CCDC102B: variants seen among roughly 807,000 people sequenced by gnomAD.
CCDC102B encodes the protein coiled-coil domain-containing protein 102B.
A neutral mutation model predicts 57.4 loss-of-function variants in CCDC102B; 75 were observed. That is an observed-to-expected ratio of 1.31 (90% CI 1.08 to 1.58). CCDC102B has a LOEUF of 1.58. Ranked by LOEUF, CCDC102B falls within the 40% of genes most tolerant of loss-of-function variation. The pLI, the probability that CCDC102B is intolerant of heterozygous loss-of-function variation, is 0.00. For synonymous variants in CCDC102B, 206 were observed against 201.9 expected, an observed-to-expected ratio of 1.02 and a Z score of -0.17; for missense variants, 636 against 582.6, an observed-to-expected ratio of 1.09 and a Z score of -0.94.
intron 6 of CCDC102B, among the ~76,000 whole-genome samples, chr18:68,958,009 C>T (rs998195511): frequency 4.6e-5 from 7 of 152,144 alleles, no homozygotes; most frequent in East Asian, 1.9e-4. Context: ...TACAGTTCCA[C>T]GTGGCTGGGG....
Position 68,994,501 on chromosome 18 carries a change from C to T in CCDC102B, c.1264-16433C>T, listed in dbSNP as rs987060180. ...GTGATCCCTATAATCCTCCCCTCTC[C>T]CTGACCCCTCCTGCCACCCCCTCCT... On this transcript the variant is annotated intron_variant, in intron 6 of 7. Transcript: ENST00000360242. Among the ~76,000 whole-genome samples the T allele has an allele frequency of 2.6e-5, 4 of 151,906 alleles. No individual in the cohort carries two copies. In the East Asian group the frequency reaches 7.7e-4, roughly 29 times the overall value.
intron 4 of CCDC102B, chr18:68,866,898 A>G: frequency 6.5e-6 from 4 of 615,682 alleles, no homozygotes; most frequent in South Asian, 4.6e-5. Flanking sequence ...CTCATGTATC[A>G]CACCTGGAGT....
At chr18:68,941,087 A>T (rs12458333) in intron 6 of CCDC102B, among the ~76,000 whole-genome samples, 81,949 of 148,006 alleles carry the variant, frequency 0.55, 25,103 homozygotes, top group Non-Finnish European at 0.67. Flanking sequence ...CTATTTATTT[A>T]TTTTTTTTGC....
At chr18:68,968,972 C>T (rs1351546894) in intron 6 of CCDC102B, among the ~76,000 whole-genome samples, 2 of 151,952 alleles carry the variant, frequency 1.3e-5, no homozygotes, top group Non-Finnish European at 2.9e-5. Flanking sequence ...TTTTTGTATA[C>T]CAATTATACC....
intron 2 of CCDC102B, among the ~76,000 whole-genome samples, chr18:68,757,528 TA>T (rs1568234813): frequency 6.6e-6 from 1 of 152,170 alleles, no homozygotes; most frequent in Non-Finnish European, 1.5e-5. Context: ...TAATGCTATT[TA>T]AAAAAATACA....
intron 6 of CCDC102B, among the ~76,000 whole-genome samples, chr18:68,942,492 A>G (rs1186587288): frequency 6.6e-6 from 1 of 151,988 alleles, no homozygotes; most frequent in Non-Finnish European, 1.5e-5. Context: ...TGGCAGGACA[A>G]TAGGGTAGTA....
intron 2 of CCDC102B, among the ~76,000 whole-genome samples, chr18:68,738,042 A>G (rs922967764): frequency 2.6e-5 from 4 of 152,178 alleles, no homozygotes; most frequent in Admixed American, 6.5e-5. Context: ...TAATGTGTGT[A>G]TTGCATAATA....
At chr18:68,719,782 G>A (rs191635780) in intron 2 of CCDC102B, among the ~76,000 whole-genome samples, 28 of 152,216 alleles carry the variant, frequency 1.8e-4, no homozygotes, top group South Asian at 4.1e-4. Context: ...TTACAAACAC[G>A]TCCAGACAAT....
chr18:68,807,310 A>T (rs1471646145), intron 1 of CCDC102B, among the ~76,000 whole-genome samples: 3 of 152,166 alleles, frequency 2.0e-5, no homozygotes, highest in Non-Finnish European at 4.4e-5. Flanking sequence ...GATAAAAATG[A>T]TAAAACTCAA....
intron 6 of CCDC102B, among the ~76,000 whole-genome samples, chr18:68,898,562 A>C (rs2145021887): frequency 6.6e-6 from 1 of 152,256 alleles, no homozygotes; most frequent in East Asian, 1.9e-4. Context: ...TACTCTAAAA[A>C]GTGCAGAATT....
chr18:68,931,526 G>A (rs62095005), intron 6 of CCDC102B, among the ~76,000 whole-genome samples: 41,311 of 151,672 alleles, frequency 0.27, 7,144 homozygotes, highest in East Asian at 0.65. Context: ...CAATGTTACA[G>A]TAGTCTGTGG....
chr18:68,727,951 CT>C (rs1358204551), intron 2 of CCDC102B, among the ~76,000 whole-genome samples: 3 of 152,212 alleles, frequency 2.0e-5, no homozygotes, highest in Admixed American at 2.0e-4. Context: ...AAAGATACCC[CT>C]GTCTCAGATA....
chr18:68,995,105 C>G lies in CCDC102B; in HGVS notation c.1264-15829C>G, dbSNP rs181267298. Among the ~76,000 whole-genome samples the G allele has an allele frequency of 3.3e-3, 501 of 152,274 alleles. 1 individual carries two copies. The highest frequency in any genetic ancestry group is 5.8e-3 in the Non-Finnish European group (396 of 68,018). ...TGGAATAAAGATGACTTTTGCTATG[C>G]TTTAGCAAGGGGACTGGCAGCATTT... On this transcript the variant is annotated intron_variant, in intron 6 of 7. Transcript: ENST00000360242.
intron 1 of CCDC102B, among the ~76,000 whole-genome samples, chr18:68,822,925 C>T (rs937346246): frequency 2.6e-5 from 4 of 152,160 alleles, no homozygotes; most frequent in African/African-American, 9.7e-5. Flanking sequence ...AAGAAAACCT[C>T]ACCTCTCTAT....
intron 6 of CCDC102B, among the ~76,000 whole-genome samples, chr18:68,938,820 A>G (rs1320376332): frequency 1.3e-5 from 2 of 151,732 alleles, no homozygotes; most frequent in Admixed American, 6.6e-5. Context: ...TAGAATCTAT[A>G]TACCTATCTA....
chr18:68,795,000 G>A (rs953755206), upstream of CCDC102B, among the ~76,000 whole-genome samples: 3 of 145,034 alleles, frequency 2.1e-5, no homozygotes, highest in African/African-American at 5.1e-5. Context: ...AGATTTTACT[G>A]GTCATTAATT....
chr18:68,969,638 C>T (rs552864622), intron 6 of CCDC102B, among the ~76,000 whole-genome samples: 1 of 151,928 alleles, frequency 6.6e-6, no homozygotes, highest in Non-Finnish European at 1.5e-5. Flanking sequence ...AGTGATAAAA[C>T]ATATGCCACA....
At position 69,011,047 on chromosome 18, in the gene CCDC102B, G is replaced by C. The variant is rs2051501394; in HGVS notation, c.1377G>C (p.Lys459Asn). The change falls in exon 7 of 8, where the codon AAG (lysine) becomes AAC (asparagine). Residue 459 changes from lysine to asparagine, a missense_variant. Physicochemically the swap from Lys to Asn is moderately conservative, Grantham distance 94. Transcript: ENST00000360242. ...TGGATCAAAATGAAGCAGAAGTAAAGAAACTAAGATTACGAGTGGAAGAAC... is the reference window on the plus strand; with the variant it reads ...TGGATCAAAATGAAGCAGAAGTAAACAAACTAAGATTACGAGTGGAAGAAC... ...NRVDQNEAEV[K>N]KLRLRVEELK... 6.2e-7 allele frequency: 1 copy of C among 1,613,628 alleles called. No homozygotes were observed. The highest frequency in any genetic ancestry group is 1.3e-5 in the African/African-American group (1 of 74,880).
At chr18:68,736,748 G>A (rs112194051) in intron 2 of CCDC102B, among the ~76,000 whole-genome samples, 18 of 152,194 alleles carry the variant, frequency 1.2e-4, no homozygotes, top group African/African-American at 3.9e-4. Flanking sequence ...CACTAGAATA[G>A]CACGGGAAAG....
Sources: gnomAD v4.1 joint callset for allele counts (sites outside exome capture counted in the v4.1 genomes callset) on GRCh38, gnomAD v4.1.1 for gene constraint, MANE v1.5 for transcripts, NCBI Gene and HGNC (gene_info 2026-07-23, HGNC 2026-07-21) for gene names.